Variants in ARHGAP42 observed in about 807,000 individuals in gnomAD.
ARHGAP42 encodes the protein rho GTPase-activating protein 42.
In ARHGAP42, 63 loss-of-function variants were observed where a neutral mutation model predicts 125.0. The observed-to-expected ratio is 0.50, with a 90% CI of 0.41 to 0.62. ARHGAP42 has a LOEUF of 0.62. Among genes scored for constraint, ARHGAP42 ranks in the 20% least tolerant of loss-of-function variants. The pLI, the probability that ARHGAP42 is intolerant of heterozygous loss-of-function variation, is 0.00. For synonymous variants in ARHGAP42, 339 were observed against 351.0 expected, an observed-to-expected ratio of 0.97 and a Z score of 0.38; for missense variants, 766 against 1,024.2, an observed-to-expected ratio of 0.75 and a Z score of 3.44.
chr11:100,910,294 A>G (rs1247823055), intron 4 of ARHGAP42, among the ~76,000 whole-genome samples: 2 of 152,154 alleles, frequency 1.3e-5, no homozygotes, highest in South Asian at 2.1e-4. Context: ...AAACAGTACT[A>G]TGCTTTATAT....
intron 22 of ARHGAP42, among the ~76,000 whole-genome samples, chr11:100,984,462 T>C (rs1013674892): frequency 5.3e-5 from 8 of 151,994 alleles, no homozygotes; most frequent in African/African-American, 1.9e-4. Flanking sequence ...CCTTCAGAAG[T>C]GAAACCGTCA....
In ARHGAP42 at chr11:100,812,303, A is replaced by G. The variant is rs1479479556; in HGVS notation, c.312+17137A>G. Among the ~76,000 whole-genome samples, 4 of 152,356 alleles carry G rather than the reference A, an allele frequency of 2.6e-5. No homozygotes were observed. In the East Asian group the frequency reaches 7.7e-4, roughly 29 times the overall value. On this transcript the variant is annotated intron_variant, in intron 3 of 23. Transcript: ENST00000298815. ...AAACAGACGAAATTTATGGGATTTTATACCCAGAAGTAGTTGGAAAGGATA... is the reference window on the plus strand; with the variant it reads ...AAACAGACGAAATTTATGGGATTTTGTACCCAGAAGTAGTTGGAAAGGATA...
intron 4 of ARHGAP42, among the ~76,000 whole-genome samples, chr11:100,863,081 C>T (rs1865484880): frequency 6.9e-6 from 1 of 145,576 alleles, no homozygotes; most frequent in South Asian, 2.2e-4. Context: ...CACACACACA[C>T]AACAACAAAA....
At chr11:100,967,784 G>T (rs1336535561) in intron 17 of ARHGAP42, among the ~76,000 whole-genome samples, 4 of 152,120 alleles carry the variant, frequency 2.6e-5, no homozygotes, top group African/African-American at 9.7e-5. Flanking sequence ...CGCGATCTGG[G>T]CCTACTGCAA....
In ARHGAP42 at chr11:100,959,949, A is replaced by C; in HGVS notation, c.1225+4A>C. 1 of 1,551,024 alleles carries C rather than the reference A, an allele frequency of 6.4e-7. No homozygotes were observed. Among genetic ancestry groups the C allele is most frequent in the Non-Finnish European group, 8.7e-7 (1 of 1,146,230 alleles). On this transcript the variant is annotated splice_donor_region_variant and intron_variant, in intron 13 of 23. Coordinates refer to ENST00000298815, the MANE Select transcript of ARHGAP42 (RefSeq NM_152432.4). ...ATTCAAGCTGTGGAAACAAGAGGTC[A>C]GTGTTGCCTGATTGGTACAGCATCC...
Position 100,688,141 on chromosome 11 carries a change from T to TA in ARHGAP42, c.154+311dup, listed in dbSNP as rs537527115. Among the ~76,000 whole-genome samples, 161 of 152,130 alleles carry TA rather than the reference T, an allele frequency of 1.1e-3. 2 individuals carry two copies. The highest frequency in any genetic ancestry group is 3.6e-3 in the African/African-American group (150 of 41,468). Reference sequence around the variant, plus strand: ...GTTGGGGACTTTAATTTTTTTTTTTTAATTTATTGTGTCTATTAATAGTTT... The same window carrying TA: ...GTTGGGGACTTTAATTTTTTTTTTTTAAATTTATTGTGTCTATTAATAGTTT... On this transcript the variant is annotated intron_variant, in intron 1 of 23. Transcript: ENST00000298815.
intron 3 of ARHGAP42, among the ~76,000 whole-genome samples, chr11:100,806,845 A>G (rs955257573): frequency 2.8e-4 from 42 of 148,492 alleles, no homozygotes; most frequent in East Asian, 2.2e-3. Context: ...TTGTTTATTT[A>G]TTTATTTATT....
chr11:100,992,791 G>A lies in ARHGAP42; in HGVS notation c.*3990G>A, dbSNP rs1858874886. 1 of 1,401,740 alleles carries A rather than the reference G, an allele frequency of 7.1e-7. No individual in the cohort carries two copies. 86.8% of individuals were successfully genotyped at this position (1,401,740 alleles called of 1,614,324 possible). A position where few individuals can be genotyped will look rare whatever the true frequency, so the allele number is the denominator to read the frequency against. On this transcript the variant is annotated 3_prime_UTR_variant, in exon 24 of 24. Coordinates refer to ENST00000298815, the MANE Select transcript of ARHGAP42 (RefSeq NM_152432.4). ...GTTTTAAATAAAGAATCTTACATAA[G>A]AATGTTGACAACATTCACAGTAAGC...
chr11:100,820,627 A>T (rs1246454212), intron 3 of ARHGAP42, among the ~76,000 whole-genome samples: 1 of 152,180 alleles, frequency 6.6e-6, no homozygotes, highest in African/African-American at 2.4e-5. Flanking sequence ...TAGTAATTTC[A>T]TATTATTTTA....
intron 4 of ARHGAP42, among the ~76,000 whole-genome samples, chr11:100,880,717 T>C (rs949202396): frequency 2.0e-5 from 3 of 152,198 alleles, no homozygotes; most frequent in Non-Finnish European, 4.4e-5. Flanking sequence ...CCACCAGCAG[T>C]GTAGAAGTGA....
chr11:100,818,590 T>C (rs1462003585), intron 3 of ARHGAP42, among the ~76,000 whole-genome samples: 2 of 151,976 alleles, frequency 1.3e-5, no homozygotes, highest in Non-Finnish European at 2.9e-5. Context: ...AAAGGACTGT[T>C]CAGCTGAGCT....
At chr11:100,896,970 T>C (rs1866380612) in intron 4 of ARHGAP42, among the ~76,000 whole-genome samples, 2 of 152,226 alleles carry the variant, frequency 1.3e-5, no homozygotes, top group Admixed American at 6.5e-5. Context: ...TTTATGGTTT[T>C]AGGTCTAACA....
intron 1 of ARHGAP42, among the ~76,000 whole-genome samples, chr11:100,710,361 G>A (rs1311311202): frequency 6.6e-6 from 1 of 151,116 alleles, no homozygotes; most frequent in Non-Finnish European, 1.5e-5. Context: ...TGAGAAGCTG[G>A]GATTACAGGT....
At chr11:100,929,332 T>C (rs1038242485) in intron 6 of ARHGAP42, among the ~76,000 whole-genome samples, 8 of 152,188 alleles carry the variant, frequency 5.3e-5, no homozygotes, top group African/African-American at 1.9e-4. Flanking sequence ...GCAGTTGGGT[T>C]CCTAACCGGC....
At chr11:100,708,126 G>C (rs551247692) in intron 1 of ARHGAP42, among the ~76,000 whole-genome samples, 5 of 152,278 alleles carry the variant, frequency 3.3e-5, no homozygotes, top group Non-Finnish European at 7.4e-5. Context: ...CATTTTTGCA[G>C]TGTGGATAAT....
intron 2 of ARHGAP42, among the ~76,000 whole-genome samples, chr11:100,787,233 G>T (rs1393507530): frequency 6.6e-6 from 1 of 151,004 alleles, no homozygotes; most frequent in African/African-American, 2.4e-5. Flanking sequence ...AGCCGAGATC[G>T]CACCACTGTA....
intron 2 of ARHGAP42, among the ~76,000 whole-genome samples, chr11:100,790,799 AT>A (rs1863546761): frequency 6.6e-6 from 1 of 152,194 alleles, no homozygotes; most frequent in Non-Finnish European, 1.5e-5. Flanking sequence ...AAATATTGTT[AT>A]GGTTAAAATC....
At chr11:100,901,242 G>T (rs923973946) in intron 4 of ARHGAP42, among the ~76,000 whole-genome samples, 1 of 152,108 alleles carries the variant, frequency 6.6e-6, no homozygotes, top group African/African-American at 2.4e-5. Context: ...AGCAAATATC[G>T]CACAACAGCA....
chr11:100,701,848 C>G (rs1259318480), intron 1 of ARHGAP42, among the ~76,000 whole-genome samples: 2 of 151,832 alleles, frequency 1.3e-5, no homozygotes, highest in Admixed American at 6.6e-5. Context: ...CCTCATGGAA[C>G]TAGGAGAAAT....
Sources: allele counts gnomAD v4.1 joint callset (sites outside exome capture counted in the v4.1 genomes callset), GRCh38; gene constraint gnomAD v4.1.1; transcripts MANE v1.5; gene names NCBI Gene and HGNC (gene_info 2026-07-23, HGNC 2026-07-21).